Variants in ARID5B observed in about 807,000 individuals in gnomAD.
ARID5B encodes AT-rich interactive domain-containing protein 5B.
A neutral mutation model predicts 97.2 loss-of-function variants in ARID5B; 13 were observed. The ratio of observed to expected loss-of-function variants is 0.13; its 90% CI spans 0.09 to 0.21. The LOEUF (loss-of-function observed/expected upper bound fraction) is 0.21. Ranked by LOEUF, ARID5B falls within the 10% of genes least tolerant of loss-of-function variation. The pLI is 1.00. For missense variants in ARID5B, 1,210 were observed against 1,465.3 expected, an observed-to-expected ratio of 0.83 and a Z score of 2.84; for synonymous variants, 556 against 570.3, an observed-to-expected ratio of 0.97 and a Z score of 0.36.
intron 3 of ARID5B, among the ~76,000 whole-genome samples, chr10:61,975,821 G>T (rs1051743657): frequency 6.6e-6 from 1 of 152,050 alleles, no homozygotes; most frequent in Admixed American, 6.6e-5. Flanking sequence ...CATAGGGAGC[G>T]ATCTAGAAAT....
chr10:62,015,857 A>C (rs1013414817), intron 4 of ARID5B, among the ~76,000 whole-genome samples: 4 of 152,126 alleles, frequency 2.6e-5, no homozygotes, highest in African/African-American at 9.7e-5. Flanking sequence ...CTCCGACCTC[A>C]GGTGATCCGC....
intron 3 of ARID5B, among the ~76,000 whole-genome samples, chr10:61,968,414 C>CTTA (rs1408042848): frequency 6.6e-6 from 1 of 151,560 alleles, no homozygotes; most frequent in Non-Finnish European, 1.5e-5. Context: ...TGGTTAAGCA[C>CTTA]ACTATTTCCA....
At chr10:61,999,240 C>A (rs1275519589) in intron 3 of ARID5B, among the ~76,000 whole-genome samples, 1 of 152,196 alleles carries the variant, frequency 6.6e-6, no homozygotes, top group South Asian at 2.1e-4. Context: ...ATCTTTGGGG[C>A]CAGATGACCT....
Position 62,091,464 on chromosome 10 carries a change from C to T in ARID5B, c.2001C>T (p.Asn667=), listed in dbSNP as rs369275660. The part of the protein sequence containing the change: ...FKDKDLTGPM[N]ENHGLNYTPL... Reference sequence around the variant, plus strand: ...ACAAAGACCTGACTGGGCCCATGAACGAGAACCATGGACTTAATTACACGC... The same window carrying T: ...ACAAAGACCTGACTGGGCCCATGAATGAGAACCATGGACTTAATTACACGC... The change falls in exon 10 of 10, where the codon AAC becomes AAT. Residue 667 remains asparagine (N), a synonymous_variant. Transcript: ENST00000279873. The T allele has an allele frequency of 7.3e-5, 118 of 1,611,466 alleles. No individual in the cohort carries two copies. The highest frequency in any genetic ancestry group is 2.0e-4 in the Admixed American group (12 of 59,720).
intron 2 of ARID5B, among the ~76,000 whole-genome samples, chr10:61,904,213 TCTGA>T (rs760207373): frequency 7.2e-4 from 110 of 152,212 alleles, no homozygotes; most frequent in African/African-American, 2.1e-3. Flanking sequence ...TTAACAGACT[TCTGA>T]CTAAGTCCAG....
At chr10:61,916,965 G>A (rs1843917753) in intron 2 of ARID5B, among the ~76,000 whole-genome samples, 1 of 152,006 alleles carries the variant, frequency 6.6e-6, no homozygotes, top group Non-Finnish European at 1.5e-5. Context: ...GATATTCAGG[G>A]GAACTGGGGA....
chr10:61,953,471 G>A (rs1414481212), intron 3 of ARID5B, among the ~76,000 whole-genome samples: 1 of 151,854 alleles, frequency 6.6e-6, no homozygotes, highest in African/African-American at 2.4e-5. Context: ...AATTGAGAAT[G>A]CTCATTTAGT....
At chr10:62,052,796 G>T (rs1839807850) in intron 5 of ARID5B, among the ~76,000 whole-genome samples, 1 of 149,610 alleles carries the variant, frequency 6.7e-6, no homozygotes, top group Non-Finnish European at 1.5e-5. Context: ...CAACAGTGCT[G>T]CCCGTCAGAA....
chr10:62,037,129 T>G (rs1839575676), intron 4 of ARID5B, among the ~76,000 whole-genome samples: 1 of 152,192 alleles, frequency 6.6e-6, no homozygotes, highest in South Asian at 2.1e-4. Flanking sequence ...AGGAAATCAT[T>G]AAGCCCCAGA....
In ARID5B at chr10:62,085,824, C is replaced by A. The variant is rs140096631; in HGVS notation, c.1322C>A (p.Thr441Asn). 33 of 1,613,942 alleles carry A rather than the reference C, an allele frequency of 2.0e-5. No individual in the cohort carries two copies. Among genetic ancestry groups the A allele is most frequent in the Non-Finnish European group, 2.7e-5 (32 of 1,180,028 alleles). ...GAGAACAAAACAAAAGTATCTGGAA[C>A]CAAACGCATCAAACATGAAATACCT... ...ENENKTKVSG[T>N]KRIKHEIPKS... is the part of the protein sequence containing the mutation. Residue 441 changes from threonine to asparagine, a missense_variant, in exon 9 of 10, where the codon ACC becomes AAC. Transcript: ENST00000279873.
chr10:61,920,499 AT>A (rs897089494), intron 2 of ARID5B, among the ~76,000 whole-genome samples: 2 of 150,620 alleles, frequency 1.3e-5, no homozygotes, highest in East Asian at 1.9e-4. Flanking sequence ...TGCCTGACTA[AT>A]TTTTTTTTGT....
intron 3 of ARID5B, among the ~76,000 whole-genome samples, chr10:61,985,700 G>A (rs1838837563): frequency 6.6e-6 from 1 of 151,990 alleles, no homozygotes; most frequent in African/African-American, 2.4e-5. Context: ...TCTTTTTGAG[G>A]ATACAATGGG....
chr10:62,042,727 C>G (rs558181049), intron 4 of ARID5B, among the ~76,000 whole-genome samples: 1 of 151,780 alleles, frequency 6.6e-6, no homozygotes, highest in East Asian at 1.9e-4. Flanking sequence ...CTGGCTAACA[C>G]GGTGAAACCC....
At chr10:62,089,276 T>C (rs1840334450) in intron 9 of ARID5B, among the ~76,000 whole-genome samples, 1 of 152,044 alleles carries the variant, frequency 6.6e-6, no homozygotes, top group African/African-American at 2.4e-5. Context: ...GAAATAATGA[T>C]GATAAGCAAA....
rs545490951 is a variant in ARID5B at position 61,962,127 on chromosome 10, A to C, written c.502+21719A>C. Among the ~76,000 whole-genome samples, 4 of 152,332 alleles carry C rather than the reference A, an allele frequency of 2.6e-5. No individual in the cohort carries two copies. In the East Asian group the frequency reaches 7.7e-4, roughly 29 times the overall value. ...TTATTACTACCAACTGGCCCCAAAC[A>C]GTTATTGCATAACGTTGCACAACTG... is the stretch of plus-strand genomic sequence containing the variant. On this transcript the variant is annotated intron_variant, in intron 3 of 9. Coordinates refer to ENST00000279873, the MANE Select transcript of ARID5B (RefSeq NM_032199.3).
At chr10:61,948,926 A>G (rs756695758) in intron 3 of ARID5B, among the ~76,000 whole-genome samples, 2 of 151,954 alleles carry the variant, frequency 1.3e-5, no homozygotes, top group Non-Finnish European at 2.9e-5. Context: ...CTGCCACTAC[A>G]CTCCCTGAAG....
chr10:62,030,747 A>G (rs1479029489), intron 4 of ARID5B, among the ~76,000 whole-genome samples: 1 of 152,240 alleles, frequency 6.6e-6, no homozygotes, highest in Non-Finnish European at 1.5e-5. Context: ...AAATGATCAC[A>G]CAATTAATGC....
intron 4 of ARID5B, among the ~76,000 whole-genome samples, chr10:62,033,949 T>A (rs1839529253): frequency 6.6e-6 from 1 of 152,218 alleles, no homozygotes; most frequent in South Asian, 2.1e-4. Flanking sequence ...TCTACTTTCT[T>A]ATGAAACTTG....
chr10:62,006,656 G>C (rs1839150532), intron 4 of ARID5B, among the ~76,000 whole-genome samples: 1 of 152,318 alleles, frequency 6.6e-6, no homozygotes, highest in Admixed American at 6.5e-5. Context: ...CAGCTTCTAA[G>C]AGAGTAAGAC....
Sources: gnomAD v4.1 joint callset for allele counts (sites outside exome capture counted in the v4.1 genomes callset) on GRCh38, gnomAD v4.1.1 for gene constraint, MANE v1.5 for transcripts, NCBI Gene and HGNC (gene_info 2026-07-23, HGNC 2026-07-21) for gene names.